Variants in OR1F1 observed in about 807,000 individuals in gnomAD.
OR1F1 encodes the protein olfactory receptor family 1 subfamily F member 1, also known as olfactory receptor 1F1.
For missense variants in OR1F1, 493 were observed against 376.3 expected, an observed-to-expected ratio of 1.31 and a Z score of -2.57; for synonymous variants, 184 against 156.7, an observed-to-expected ratio of 1.17 and a Z score of -1.30.
upstream of OR1F1, among the ~76,000 whole-genome samples, chr16:3,201,484 T>G (rs533588116): frequency 4.5e-4 from 69 of 152,320 alleles, no homozygotes; most frequent in African/African-American, 1.6e-3. Context: ...CACTTGTCAT[T>G]TTTGTCTGCT....
rs200488860 is a variant in OR1F1 at position 3,204,406 on chromosome 16, T to C, written c.160T>C (p.Cys54Arg). ...CATCCTGTCCGTAAGCATAGACTCC[T>C]GCCTGCACACCCCCATGTACTTCTT... is the stretch of plus-strand genomic sequence containing the variant. The change falls in exon 1 of 1, where the codon TGC becomes CGC. Residue 54 changes from cysteine to arginine, a missense_variant. Physicochemically the swap from Cys to Arg is radical, Grantham distance 180. Transcript: ENST00000304646. 8.2e-5 allele frequency: 133 copies of C among 1,614,032 alleles called. No homozygotes were observed. The Middle Eastern group carries it at 3.5e-3, about 42-fold the overall frequency.
downstream of OR1F1, among the ~76,000 whole-genome samples, chr16:3,205,629 T>A (rs142861968): frequency 6.5e-4 from 99 of 152,308 alleles, no homozygotes; most frequent in East Asian, 0.017. Flanking sequence ...TATGGACATG[T>A]ATCGGTTCCC....
upstream of OR1F1, among the ~76,000 whole-genome samples, chr16:3,200,166 TAAG>T (rs1297687663): frequency 5.9e-5 from 9 of 151,864 alleles, no homozygotes; most frequent in African/African-American, 2.2e-4. Context: ...TGGTTATTCA[TAAG>T]GAGATGAGAG....
At chr16:3,189,674 A>C in the OR1F1 span, 1 of 151,792 alleles carries the variant, frequency 6.6e-6, no homozygotes, top group African/African-American at 2.4e-5. Flanking sequence ...TTAGGGTGCG[A>C]GAGGTCCCGG....
chr16:3,197,727 G>C, the OR1F1 span, among the ~76,000 whole-genome samples: 9 of 136,120 alleles, frequency 6.6e-5, no homozygotes, highest in African/African-American at 2.5e-4. Context: ...GGGAGAAGGA[G>C]AGGGAGAGGG....
chr16:3,202,890 T>A (rs1958151240), upstream of OR1F1, among the ~76,000 whole-genome samples: 1 of 152,114 alleles, frequency 6.6e-6, no homozygotes, highest in South Asian at 2.1e-4. Flanking sequence ...GGTTACTAGC[T>A]TTTCTAAGGC....
the OR1F1 span, chr16:3,188,207 G>T: frequency 0.028 from 4,305 of 152,022 alleles, 216 homozygotes; most frequent in African/African-American, 0.097. Context: ...TTTCAGCAAG[G>T]ACAGGAGACT....
the OR1F1 span, among the ~76,000 whole-genome samples, chr16:3,188,791 C>A: frequency 2.2e-4 from 33 of 152,300 alleles, no homozygotes; most frequent in African/African-American, 7.9e-4. Context: ...GGCAGAGTGA[C>A]AGTAAAGGGT....
downstream of OR1F1, among the ~76,000 whole-genome samples, chr16:3,206,152 G>A (rs1340308356): frequency 2.6e-5 from 4 of 152,214 alleles, no homozygotes; most frequent in Non-Finnish European, 4.4e-5. Flanking sequence ...GTCTTATGCA[G>A]TTGAGATAAG....
chr16:3,204,830 A>T, exon 1 of OR1F1: 1 of 1,614,002 alleles, frequency 6.2e-7, no homozygotes, highest in Non-Finnish European at 8.5e-7. Flanking sequence ...ACACACCTCA[A>T]TGAGGTCATA....
At chr16:3,204,128 T>C (rs1329425276), upstream of OR1F1, 2 of 703,910 alleles carry the variant, frequency 2.8e-6, no homozygotes, top group Non-Finnish European at 4.7e-6. Context: ...GACAATATTA[T>C]CATTTACATC....
chr16:3,192,457 TG>T, the OR1F1 span, among the ~76,000 whole-genome samples: 1 of 152,226 alleles, frequency 6.6e-6, no homozygotes, highest in African/African-American at 2.4e-5. Context: ...ATAAAGTTAC[TG>T]GGGGAATTTA....
upstream of OR1F1, chr16:3,204,208 G>C (rs186277679): frequency 4.0e-6 from 6 of 1,482,598 alleles, no homozygotes; most frequent in South Asian, 7.8e-5. Flanking sequence ...TTTGCATTTC[G>C]TCTTCTTTGT....
the OR1F1 span, among the ~76,000 whole-genome samples, chr16:3,196,211 G>C: frequency 6.6e-6 from 1 of 152,220 alleles, no homozygotes; most frequent in Non-Finnish European, 1.5e-5. Flanking sequence ...GTGGGTTTGA[G>C]CCCTGTGTTG....
upstream of OR1F1, among the ~76,000 whole-genome samples, chr16:3,202,259 A>C (rs979628109): frequency 6.6e-6 from 1 of 152,140 alleles, no homozygotes; most frequent in African/African-American, 2.4e-5. Flanking sequence ...ACATGAGGAG[A>C]GGTAATCTGC....
chr16:3,204,911 C>G (rs550163818), exon 1 of OR1F1: 1 of 1,614,170 alleles, frequency 6.2e-7, no homozygotes. Context: ...ATGCACATCA[C>G]CTGCACTGTC....
chr16:3,205,538 T>G (rs1958197588), downstream of OR1F1, among the ~76,000 whole-genome samples: 1 of 151,920 alleles, frequency 6.6e-6, no homozygotes, highest in Admixed American at 6.6e-5. Context: ...TGGATGCTGT[T>G]GCGGGAAGTC....
At chr16:3,191,937 G>T in the OR1F1 span, among the ~76,000 whole-genome samples, 1 of 152,110 alleles carries the variant, frequency 6.6e-6, no homozygotes, top group Non-Finnish European at 1.5e-5. Context: ...GAGCTTTATC[G>T]CTCCAAGTAC....
the OR1F1 span, among the ~76,000 whole-genome samples, chr16:3,194,370 G>C: frequency 6.6e-6 from 1 of 152,178 alleles, no homozygotes; most frequent in South Asian, 2.1e-4. Flanking sequence ...ATAGAAATAA[G>C]AGTACCATGT....
Sources: gnomAD v4.1 joint callset for allele counts (sites outside exome capture counted in the v4.1 genomes callset) on GRCh38, gnomAD v4.1.1 for gene constraint, MANE v1.5 for transcripts, NCBI Gene and HGNC (gene_info 2026-07-23, HGNC 2026-07-21) for gene names.